The following ARF1 variants were observed in gnomAD, a reference collection of about 807,000 sequenced individuals.
ARF1 encodes the protein ADP-ribosylation factor 1.
ARF1 carries 1 observed loss-of-function variant against 18.0 expected under a neutral mutation model. That is an observed-to-expected ratio of 0.06 (90% confidence interval 0.02 to 0.26). The LOEUF (loss-of-function observed/expected upper bound fraction) is 0.26. ARF1 is among the 10% of genes least tolerant of loss of function. The probability of loss-of-function intolerance (pLI) is 1.00; values close to 1 mark genes in which losing one functional copy is unlikely to be tolerated. For missense variants in ARF1, 73 were observed against 247.2 expected (o/e 0.30, Z 4.73); for synonymous variants, 112 against 96.3 (o/e 1.16, Z -0.95).
chr1:228,094,330 G>GAC (rs753967126), intron 1 of ARF1, among the ~76,000 whole-genome samples: 20 of 152,068 alleles, frequency 1.3e-4, no homozygotes, highest in Non-Finnish European at 2.4e-4. Flanking sequence ...ACAAGCCTTT[G>GAC]ACACCACACA....
chr1:228,092,128 AACTTG>A (rs766328974), intron 1 of ARF1, among the ~76,000 whole-genome samples: 11 of 152,206 alleles, frequency 7.2e-5, no homozygotes, highest in Non-Finnish European at 1.2e-4. Flanking sequence ...TCTGTCAGTG[AACTTG>A]ACTTTAATAA....
chr1:228,094,807 C>T (rs979846717), intron 1 of ARF1, among the ~76,000 whole-genome samples: 4 of 152,130 alleles, frequency 2.6e-5, no homozygotes, highest in South Asian at 2.1e-4. Flanking sequence ...TAAAGGGTTT[C>T]GAAAGCAGTG....
chr1:228,086,317 C>G (rs11582265), intron 1 of ARF1, among the ~76,000 whole-genome samples: 2 of 151,906 alleles, frequency 1.3e-5, no homozygotes, highest in Non-Finnish European at 2.9e-5. Flanking sequence ...AGATTGAGAC[C>G]ATCCTGGCGA....
chr1:228,086,305 G>A (rs896939702), intron 1 of ARF1, among the ~76,000 whole-genome samples: 7 of 152,106 alleles, frequency 4.6e-5, no homozygotes, highest in African/African-American at 1.7e-4. Flanking sequence ...CATGAGGTCA[G>A]GAGATTGAGA....
chr1:228,090,083 C>T (rs2032529692), intron 1 of ARF1, among the ~76,000 whole-genome samples: 1 of 152,268 alleles, frequency 6.6e-6, no homozygotes, highest in Non-Finnish European at 1.5e-5. Flanking sequence ...GGGGAACGCA[C>T]TGCTAGCAGA....
chr1:228,098,683 C>G lies in ARF1; in HGVS notation c.*670C>G, dbSNP rs2032846641. On this transcript the variant is annotated 3_prime_UTR_variant, in exon 5 of 5. Transcript: ENST00000272102. ...CTGTGCTCCCACGGTTCCCAGGGGCCAGGCTGGGAGCCCACAGCCACCCCA... is the reference window on the plus strand; with the variant it reads ...CTGTGCTCCCACGGTTCCCAGGGGCGAGGCTGGGAGCCCACAGCCACCCCA... The G allele has an allele frequency of 6.5e-6, 1 of 152,734 alleles. No homozygotes were observed. Among genetic ancestry groups the G allele is most frequent in the South Asian group, 2.1e-4 (1 of 4,832 alleles). The allele number at this position is 152,734 out of a possible 1,614,324, so 9.5% of individuals were successfully genotyped here. A position where few individuals can be genotyped will look rare whatever the true frequency, so the allele number is the denominator to read the frequency against.
At chr1:228,094,925 G>A (rs568716304) in intron 1 of ARF1, among the ~76,000 whole-genome samples, 1 of 152,124 alleles carries the variant, frequency 6.6e-6, no homozygotes, top group Admixed American at 6.5e-5. Context: ...TTGGCTTTGC[G>A]CTTCAGCCCT....
chr1:228,085,635 C>G (rs2032369146), intron 1 of ARF1, among the ~76,000 whole-genome samples: 1 of 152,186 alleles, frequency 6.6e-6, no homozygotes, highest in Non-Finnish European at 1.5e-5. Context: ...CTTACAGGCC[C>G]TGATAACAGG....
Position 228,089,304 on chromosome 1 carries a change from C to T in ARF1, c.-38+6539C>T, listed in dbSNP as rs1233448809. 2.6e-5 allele frequency among the ~76,000 whole-genome samples: 4 copies of T among 152,276 alleles called. No homozygotes were observed. The East Asian group carries it at 7.7e-4, about 29-fold the overall frequency. ...GTCCCCGGGGTGTGCCTTTCTCTCACCTAGGTCTGGAGTGCCTCCAGAAGC... is the reference window on the plus strand; with the variant it reads ...GTCCCCGGGGTGTGCCTTTCTCTCATCTAGGTCTGGAGTGCCTCCAGAAGC... On this transcript the variant is annotated intron_variant, in intron 1 of 4. Transcript: ENST00000272102. The surrounding 1 kb of genome is among the most constrained non-coding windows in gnomAD (Gnocchi z 4.1).
intron 1 of ARF1, among the ~76,000 whole-genome samples, chr1:228,091,555 C>T (rs982004943): frequency 6.6e-6 from 1 of 152,174 alleles, no homozygotes; most frequent in African/African-American, 2.4e-5. Flanking sequence ...GATTGCAAGT[C>T]TCTTCAACAT....
chr1:228,095,838 T>C (rs929032973), intron 1 of ARF1, among the ~76,000 whole-genome samples: 1 of 152,182 alleles, frequency 6.6e-6, no homozygotes, highest in Non-Finnish European at 1.5e-5. Flanking sequence ...TGGGTGGTGG[T>C]CTTCCTCTGG....
At chr1:228,095,744 C>T (rs7531973) in intron 1 of ARF1, among the ~76,000 whole-genome samples, 5 of 152,224 alleles carry the variant, frequency 3.3e-5, no homozygotes, top group Admixed American at 6.5e-5. Flanking sequence ...CCCTTCAAGG[C>T]GTGTGTGTCA....
intron 1 of ARF1, among the ~76,000 whole-genome samples, chr1:228,094,702 G>C (rs890541249): frequency 6.6e-6 from 1 of 152,172 alleles, no homozygotes; most frequent in Non-Finnish European, 1.5e-5. Context: ...GAGCTTCTTA[G>C]GGAGGGAGCA....
chr1:228,097,138 C>T lies in ARF1; in HGVS notation c.24C>T (p.Leu8=). 1.9e-6 allele frequency: 3 copies of T among 1,610,878 alleles called. No individual in the cohort carries two copies. Among genetic ancestry groups the T allele is most frequent in the Non-Finnish European group, 2.5e-6 (3 of 1,178,294 alleles). ...GCATGGGGAACATCTTCGCCAACCT[C>T]TTCAAGGGCCTTTTTGGCAAAAAAG... MGNIFAN[L]FKGLFGKKEM... is the part of the protein sequence containing the mutation. Residue 8 remains leucine (L), a synonymous_variant, in exon 2 of 5, where the codon CTC becomes CTT. Transcript: ENST00000272102. This position sits in a 1 kb window ranked among gnomAD's most constrained non-coding sequence, Gnocchi z 8.1.
intron 1 of ARF1, among the ~76,000 whole-genome samples, chr1:228,095,889 G>T (rs888836893): frequency 6.6e-6 from 1 of 152,232 alleles, no homozygotes; most frequent in Non-Finnish European, 1.5e-5. Flanking sequence ...GAACACTACA[G>T]TGAAGGTCCT....
chr1:228,083,866 T>G (rs1174159874), intron 1 of ARF1, among the ~76,000 whole-genome samples: 2 of 152,216 alleles, frequency 1.3e-5, no homozygotes, highest in Non-Finnish European at 2.9e-5. Flanking sequence ...TGAGCAGAAA[T>G]GCACTCGGAA....
chr1:228,083,641 C>G (rs989701326), intron 1 of ARF1: 3 of 152,372 alleles, frequency 2.0e-5, no homozygotes, highest in South Asian at 2.1e-4. Flanking sequence ...CTTTAACCTA[C>G]CTGAATCTTT....
At chr1:228,090,344 G>C (rs576639514) in intron 1 of ARF1, 5 of 152,208 alleles carry the variant, frequency 3.3e-5, no homozygotes, top group African/African-American at 1.2e-4. Context: ...TGGAGACAGG[G>C]TCTCCCCTGT....
Position 228,098,086 on chromosome 1 carries a change from G to A in ARF1, c.*73G>A. On this transcript the variant is annotated 3_prime_UTR_variant, in exon 5 of 5. Coordinates refer to ENST00000272102, the MANE Select transcript of ARF1 (RefSeq NM_001658.4). ...ATGTGGCAAACGTGCGGCTCGTGGT[G>A]TGAGTGCCAGAAGCTGCCTCCGTGG... 6.6e-7 allele frequency: 1 copy of A among 1,525,568 alleles called. No homozygotes were observed. The highest frequency in any genetic ancestry group is 1.4e-5 in the African/African-American group (1 of 72,902). 94.5% of individuals were successfully genotyped at this position (1,525,568 alleles called of 1,614,324 possible).
Sources: gnomAD v4.1 joint callset for allele counts (sites outside exome capture counted in the v4.1 genomes callset) on GRCh38, gnomAD v4.1.1 for gene constraint, Gnocchi (gnomAD v3.1) non-coding constraint, MANE v1.5 for transcripts, NCBI Gene and HGNC (gene_info 2026-07-23, HGNC 2026-07-21) for gene names.